CD40: variants seen among roughly 807,000 people sequenced by gnomAD.
CD40 encodes CD40 molecule, also known as tumor necrosis factor receptor superfamily member 5.
CD40 carries 19 observed loss-of-function variants against 38.5 expected under a neutral mutation model. The observed-to-expected ratio is 0.49, with a 90% CI of 0.34 to 0.72. The LOEUF is 0.72. Ranked by LOEUF, CD40 falls within the 30% of genes least tolerant of loss-of-function variation. The pLI is 0.01. For missense variants in CD40, 256 were observed against 344.1 expected, an observed-to-expected ratio of 0.74 and a Z score of 2.03; for synonymous variants, 130 against 128.7, an observed-to-expected ratio of 1.01 and a Z score of -0.07.
chr20:46,118,972 T>C (rs1363236414), intron 1 of CD40, among the ~76,000 whole-genome samples: 1 of 150,824 alleles, frequency 6.6e-6, no homozygotes, highest in Admixed American at 6.6e-5. Context: ...CCCAGGGCTT[T>C]GCCTTTTTCT....
In CD40 at chr20:46,126,604, CTG is replaced by C. The variant is rs1056841361; in HGVS notation, c.498-27_498-26del. On this transcript the variant is annotated intron_variant, in intron 5 of 8. Transcript: ENST00000372285. Reference sequence around the variant, plus strand: ...GGAAACTTAATATCTCTTTCTTTCTCTGTGTGTGTGCATTTGTGCACGTGTCT... The same window carrying C: ...GGAAACTTAATATCTCTTTCTTTCTCTGTGTGTGCATTTGTGCACGTGTCT... 49 of 1,613,328 alleles carry C rather than the reference CTG, an allele frequency of 3.0e-5. 1 individual carries two copies. Among genetic ancestry groups the C allele is most frequent in the Admixed American group, 1.0e-4 (6 of 59,990 alleles).
chr20:46,128,668 G>A, intron 8 of CD40: 1 of 665,574 alleles, frequency 1.5e-6, no homozygotes, highest in Non-Finnish European at 2.6e-6. Context: ...AGCAAATGTG[G>A]CAGCCCCTTA....
rs753799947 is a variant in CD40 at position 46,126,623 on chromosome 20, C to T, written c.498-17C>T. ...CTTTCTCTGTGTGTGTGCATTTGTG[C>T]ACGTGTCTGTGCATAGCTGTGAGAC... On this transcript the variant is annotated splice_polypyrimidine_tract_variant and intron_variant, in intron 5 of 8. Transcript: ENST00000372285. 30 of 1,613,824 alleles carry T rather than the reference C, an allele frequency of 1.9e-5. No homozygotes were observed. Among genetic ancestry groups the T allele is most frequent in the Non-Finnish European group, 2.5e-5 (30 of 1,179,900 alleles).
chr20:46,126,755 G>A (rs1261443784), intron 6 of CD40, 54 bp downstream of exon 6: 1 of 1,613,744 alleles, frequency 6.2e-7, no homozygotes, highest in South Asian at 1.1e-5. Context: ...GGAACTGAAG[G>A]GGGAGATGAG....
At chr20:46,121,088 A>G (rs985314390) in intron 1 of CD40, among the ~76,000 whole-genome samples, 1 of 152,180 alleles carries the variant, frequency 6.6e-6, no homozygotes, top group Non-Finnish European at 1.5e-5. Flanking sequence ...AAAGTATTGA[A>G]ATTAACAATA....
At chr20:46,126,503 C>T (rs550584349) in intron 5 of CD40, 137 bp from the exon 6 acceptor site, 161 of 908,488 alleles carry the variant, frequency 1.8e-4, no homozygotes, top group African/African-American at 6.5e-4. Flanking sequence ...GGACGTTGCA[C>T]GTGTTGTGTG....
In CD40 at chr20:46,129,120, G is replaced by T; in HGVS notation, c.*80G>T. 1 of 1,500,994 alleles carries T rather than the reference G, an allele frequency of 6.7e-7. No individual in the cohort carries two copies. The highest frequency in any genetic ancestry group is 9.2e-7 in the Non-Finnish European group (1 of 1,083,136). 93.0% of individuals were successfully genotyped at this position (1,500,994 alleles called of 1,614,324 possible). A position where few individuals can be genotyped will look rare whatever the true frequency, so the allele number is the denominator to read the frequency against. On this transcript the variant is annotated 3_prime_UTR_variant, in exon 9 of 9. Coordinates refer to ENST00000372285, the MANE Select transcript of CD40 (RefSeq NM_001250.6). ...AGCCTGGTGCTGCTGCTGCTGTGGC[G>T]TGAGGGTGAGGGGCTGGCACTGACT...
In CD40 at chr20:46,123,169, C is replaced by T. The variant is rs771812128; in HGVS notation, c.447C>T (p.Gly149=). 2.5e-6 allele frequency: 4 copies of T among 1,614,244 alleles called. No homozygotes were observed. In the East Asian group the frequency reaches 6.7e-5, roughly 27 times the overall value. ...SDTICEPCPV[G]FFSNVSSAFE... ...CCATCTGCGAGCCCTGCCCAGTCGG[C>T]TTCTTCTCCAATGTGTCATCTGCTT... The change falls in exon 5 of 9, where the codon GGC becomes GGT. Residue 149 remains glycine, a synonymous_variant. Transcript: ENST00000372285.
At position 46,121,879 on chromosome 20, in the gene CD40, C is replaced by G; in HGVS notation, c.111C>G (p.Cys37Trp). 1 of 1,613,982 alleles carries G rather than the reference C, an allele frequency of 6.2e-7. No individual in the cohort carries two copies. Among genetic ancestry groups the G allele is most frequent in the Non-Finnish European group, 8.5e-7 (1 of 1,179,838 alleles). The change falls in exon 2 of 9, where the codon TGC becomes TGG. Residue 37 changes from cysteine to tryptophan, a missense_variant. Transcript: ENST00000372285. ...REKQYLINSQCCSLCQPGQKL... is the reference protein window; with the variant it reads ...REKQYLINSQWCSLCQPGQKL... ...AACAGTACCTAATAAACAGTCAGTG[C>G]TGTTCTTTGTGCCAGCCAGGTGAGA...
At chr20:46,119,822 T>G (rs1426232908) in intron 1 of CD40, among the ~76,000 whole-genome samples, 1 of 152,228 alleles carries the variant, frequency 6.6e-6, no homozygotes, top group Non-Finnish European at 1.5e-5. Context: ...TTCCCGAGCC[T>G]GCCTCTCAGA....
At chr20:46,128,289 C>G in intron 7 of CD40, 41 bp from the exon 8 acceptor site, 1 of 1,605,444 alleles carries the variant, frequency 6.2e-7, no homozygotes, top group South Asian at 1.1e-5. Flanking sequence ...TATCTGGCCT[C>G]TCCAACTCCC....
At chr20:46,126,811 G>A (rs2085446578) in intron 6 of CD40, 110 bp downstream of exon 6, 2 of 1,578,432 alleles carry the variant, frequency 1.3e-6, no homozygotes, top group East Asian at 2.3e-5. Context: ...GAGGCAGTTT[G>A]GGGGTGTGGT....
chr20:46,129,479 G>A lies in CD40; in HGVS notation c.*439G>A. 5.1e-6 allele frequency: 1 copy of A among 194,298 alleles called. No individual in the cohort carries two copies. Among genetic ancestry groups the A allele is most frequent in the South Asian group, 1.0e-4 (1 of 10,018 alleles). 12.0% of individuals were successfully genotyped at this position (194,298 alleles called of 1,614,324 possible). On this transcript the variant is annotated 3_prime_UTR_variant, in exon 9 of 9. Coordinates refer to ENST00000372285, the MANE Select transcript of CD40 (RefSeq NM_001250.6). Reference sequence around the variant, plus strand: ...GAAGCTGCTTAACTGTCCATCAGCAGGAGACTGGCTAAATAAAATTAGAAT... The same window carrying A: ...GAAGCTGCTTAACTGTCCATCAGCAAGAGACTGGCTAAATAAAATTAGAAT...
intron 1 of CD40, among the ~76,000 whole-genome samples, chr20:46,120,508 G>A (rs1180652560): frequency 6.6e-6 from 1 of 152,220 alleles, no homozygotes; most frequent in African/African-American, 2.4e-5. Context: ...TTACTTTACA[G>A]TTCTTTTAAA....
Position 46,122,143 on chromosome 20 carries a change from C to A in CD40, c.131-90C>A. 1 of 1,510,500 alleles carries A rather than the reference C, an allele frequency of 6.6e-7. No homozygotes were observed. Among genetic ancestry groups the A allele is most frequent in the Non-Finnish European group, 9.2e-7 (1 of 1,086,570 alleles). 93.6% of individuals were successfully genotyped at this position (1,510,500 alleles called of 1,614,324 possible). On this transcript the variant is annotated intron_variant, in intron 2 of 8. Coordinates refer to ENST00000372285, the MANE Select transcript of CD40 (RefSeq NM_001250.6). This position sits in a 1 kb window ranked among gnomAD's most constrained non-coding sequence, Gnocchi z 5.0. ...TCCAAGACTTTCATCTTTGAATCCC[C>A]TACCCTAAAGCCTGGCCTGATCATT...
chr20:46,128,304 C>CGT (rs1555878104), intron 7 of CD40, 26 bp from the exon 8 acceptor site: 1 of 1,084,398 alleles, frequency 9.2e-7, no homozygotes, highest in Non-Finnish European at 1.2e-6. Context: ...ACTCCCCATC[C>CGT]TTTTTTTTTT....
At chr20:46,124,751 G>GT (rs780015926) in intron 5 of CD40, among the ~76,000 whole-genome samples, 2,942 of 73,726 alleles carry the variant, frequency 0.04, 673 homozygotes, top group African/African-American at 0.044. Context: ...CACTGGTATA[G>GT]TTTTTTTTTT....
At chr20:46,125,704 T>C (rs548365620) in intron 5 of CD40, among the ~76,000 whole-genome samples, 10 of 152,240 alleles carry the variant, frequency 6.6e-5, no homozygotes, top group Non-Finnish European at 1.2e-4. Flanking sequence ...CATCATCTCA[T>C]ATCTATATGT....
chr20:46,119,716 G>T (rs2085280709), intron 1 of CD40, among the ~76,000 whole-genome samples: 1 of 152,178 alleles, frequency 6.6e-6, no homozygotes, highest in African/African-American at 2.4e-5. Context: ...CCATTATACA[G>T]ATGGGCAAAT....
Sources: gnomAD v4.1 joint callset for allele counts (sites outside exome capture counted in the v4.1 genomes callset) on GRCh38, gnomAD v4.1.1 for gene constraint, Gnocchi (gnomAD v3.1) non-coding constraint, MANE v1.5 for transcripts, NCBI Gene and HGNC (gene_info 2026-07-23, HGNC 2026-07-21) for gene names.